Variants in EPHA6 observed in about 807,000 individuals in gnomAD.
EPHA6 encodes ephrin type-A receptor 6.
EPHA6 carries 50 observed loss-of-function variants against 112.0 expected under a neutral mutation model. The ratio of observed to expected loss-of-function variants is 0.45; its 90% CI spans 0.36 to 0.56. EPHA6 has a LOEUF of 0.56. EPHA6 is among the 20% of genes least tolerant of loss of function. The probability of loss-of-function intolerance (pLI) is 0.00; values close to 1 mark genes in which losing one functional copy is unlikely to be tolerated. For missense variants in EPHA6, 1,280 were observed against 1,417.4 expected (o/e 0.90, Z 1.56); for synonymous variants, 529 against 490.7 (o/e 1.08, Z -1.03).
chr3:97,673,187 G>A (rs889049688), intron 14 of EPHA6, among the ~76,000 whole-genome samples: 21 of 152,190 alleles, frequency 1.4e-4, no homozygotes, highest in African/African-American at 4.8e-4. Context: ...TGAAGTCAGA[G>A]TTGAATGTAT....
chr3:97,066,058 G>T (rs555675279), intron 3 of EPHA6, among the ~76,000 whole-genome samples: 1 of 152,068 alleles, frequency 6.6e-6, no homozygotes, highest in South Asian at 2.1e-4. Context: ...AGCTCATGAT[G>T]GGTGTTCAAT....
Position 97,750,298 on chromosome 3 carries a change from G to GT in EPHA6, c.*1609dup, listed in dbSNP as rs34935946. On this transcript the variant is annotated 3_prime_UTR_variant, in exon 18 of 18. Coordinates refer to ENST00000389672, the MANE Select transcript of EPHA6 (RefSeq NM_001080448.3). ...AAATTCATTTTTTGTCATAGTAGTG[G>GT]TTTTTTTTTTTTAAATAAAGGACCC... Among the ~76,000 whole-genome samples, 227 of 145,966 alleles carry GT rather than the reference G, an allele frequency of 1.6e-3. No individual in the cohort carries two copies. The highest frequency in any genetic ancestry group is 4.2e-3 in the East Asian group (21 of 5,026).
At chr3:97,204,245 A>T (rs1293704315) in intron 3 of EPHA6, among the ~76,000 whole-genome samples, 1 of 152,162 alleles carries the variant, frequency 6.6e-6, no homozygotes, top group Non-Finnish European at 1.5e-5. Context: ...TTTCCTATGT[A>T]CTAGGCTCCA....
At chr3:97,115,788 G>C (rs1472327039) in intron 3 of EPHA6, among the ~76,000 whole-genome samples, 1 of 151,820 alleles carries the variant, frequency 6.6e-6, no homozygotes, top group East Asian at 1.9e-4. Context: ...TATTGTTATA[G>C]AATGAGAAGG....
intron 3 of EPHA6, among the ~76,000 whole-genome samples, chr3:97,032,990 A>G (rs952328228): frequency 1.3e-5 from 2 of 151,778 alleles, no homozygotes; most frequent in East Asian, 1.9e-4. Flanking sequence ...CAGGTAGGGT[A>G]TGGGAATCAG....
intron 5 of EPHA6, among the ~76,000 whole-genome samples, chr3:97,374,410 TA>T (rs1334782312): frequency 1.3e-5 from 2 of 152,148 alleles, no homozygotes; most frequent in Non-Finnish European, 2.9e-5. Flanking sequence ...CAGCCTTGGT[TA>T]CTGCACTAAT....
intron 14 of EPHA6, among the ~76,000 whole-genome samples, chr3:97,669,684 A>G (rs2030589806): frequency 6.6e-6 from 1 of 152,022 alleles, no homozygotes. Flanking sequence ...CATGATTTTT[A>G]TACACATTTA....
intron 3 of EPHA6, among the ~76,000 whole-genome samples, chr3:97,214,814 T>A (rs1457423836): frequency 6.6e-6 from 1 of 152,206 alleles, no homozygotes; most frequent in Non-Finnish European, 1.5e-5. Context: ...AGAAACAACA[T>A]ATGTGTGTTT....
At chr3:97,733,897 G>A (rs894221300) in intron 15 of EPHA6, among the ~76,000 whole-genome samples, 4 of 152,044 alleles carry the variant, frequency 2.6e-5, no homozygotes, top group African/African-American at 9.7e-5. Context: ...ATAAGAAATT[G>A]GAGAGGAAGA....
chr3:97,712,140 A>G (rs2033999049), intron 14 of EPHA6, among the ~76,000 whole-genome samples: 1 of 152,216 alleles, frequency 6.6e-6, no homozygotes. Context: ...TATGTTGTAC[A>G]TTTTTTAAAA....
chr3:97,228,271 G>A (rs1337850676), intron 4 of EPHA6, among the ~76,000 whole-genome samples: 2 of 152,088 alleles, frequency 1.3e-5, no homozygotes, highest in African/African-American at 2.4e-5. Context: ...CATCACTCGA[G>A]CAGTGTACAC....
At chr3:96,925,591 C>A (rs1270978584) in intron 2 of EPHA6, among the ~76,000 whole-genome samples, 1 of 147,596 alleles carries the variant, frequency 6.8e-6, no homozygotes, top group Admixed American at 6.9e-5. Context: ...AAAAAACAAG[C>A]TCCTTGATTT....
chr3:97,607,867 G>A (rs1013639614), intron 12 of EPHA6, among the ~76,000 whole-genome samples: 4 of 151,154 alleles, frequency 2.6e-5, no homozygotes, highest in Admixed American at 6.6e-5. Context: ...TAATTTTTAC[G>A]TACTGGAAAA....
chr3:96,995,944 C>G (rs899327489), intron 3 of EPHA6, among the ~76,000 whole-genome samples: 8 of 152,086 alleles, frequency 5.3e-5, no homozygotes, highest in African/African-American at 1.4e-4. Context: ...TTGACTCTTT[C>G]ATGAAAGATG....
chr3:97,516,978 A>G (rs2092457594), intron 10 of EPHA6, among the ~76,000 whole-genome samples: 1 of 152,140 alleles, frequency 6.6e-6, no homozygotes. Flanking sequence ...TGGAAACAAC[A>G]GAAAATAAAG....
At chr3:97,542,734 C>G (rs2092880889) in intron 11 of EPHA6, among the ~76,000 whole-genome samples, 2 of 152,208 alleles carry the variant, frequency 1.3e-5, no homozygotes, top group Admixed American at 1.3e-4. Context: ...ATTCCTATTT[C>G]TCCACATCCT....
chr3:97,648,279 T>C (rs1184130677), intron 14 of EPHA6: 7 of 989,558 alleles, frequency 7.1e-6, no homozygotes, highest in Non-Finnish European at 1.1e-5. Flanking sequence ...TTACTTTGCA[T>C]TCATAGGACC....
At chr3:96,937,428 T>A (rs888266528) in intron 2 of EPHA6, among the ~76,000 whole-genome samples, 4 of 149,230 alleles carry the variant, frequency 2.7e-5, no homozygotes, top group African/African-American at 1.0e-4. Flanking sequence ...TCTGTTCATA[T>A]CCTTCGCCCA....
chr3:97,118,239 T>C (rs144886804), intron 3 of EPHA6, among the ~76,000 whole-genome samples: 1 of 151,972 alleles, frequency 6.6e-6, no homozygotes, highest in Non-Finnish European at 1.5e-5. Flanking sequence ...CAGAATGCTA[T>C]ATAATCTGTG....
Sources: allele counts gnomAD v4.1 joint callset (sites outside exome capture counted in the v4.1 genomes callset), GRCh38; gene constraint gnomAD v4.1.1; transcripts MANE v1.5; gene names NCBI Gene and HGNC (gene_info 2026-07-23, HGNC 2026-07-21).